The following CACNA2D4 variants were observed in gnomAD, a reference collection of about 807,000 sequenced individuals.
CACNA2D4 encodes calcium voltage-gated channel auxiliary subunit alpha2delta 4.
CACNA2D4 carries 157 observed loss-of-function variants against 163.8 expected under a neutral mutation model. The ratio of observed to expected loss-of-function variants is 0.96; its 90% CI spans 0.84 to 1.09. The LOEUF is 1.09. Among genes scored for constraint, CACNA2D4 ranks in the 50% least tolerant of loss-of-function variants. CACNA2D4 has a pLI of 0.00. For synonymous variants in CACNA2D4, 598 were observed against 586.9 expected, an observed-to-expected ratio of 1.02 and a Z score of -0.27; for missense variants, 1,410 against 1,479.9, an observed-to-expected ratio of 0.95 and a Z score of 0.78.
In CACNA2D4 at chr12:1,797,422, G is replaced by T; in HGVS notation, c.3109C>A (p.Gln1037Lys). ...GGCGCCGCCCTGCGGTCTTACTTCT[G>T]GCAGGGCCCGCACTCCACGATCCCG... Reference protein sequence around the residue: ...ANGIVECGPCQKVFVVQQIPN... With the variant: ...ANGIVECGPCKKVFVVQQIPN... Residue 1037 changes from glutamine (Q) to lysine (K), a missense_variant, in exon 35 of 38, where the codon CAG becomes AAG. Gln to Lys is a moderately conservative substitution (Grantham distance 53). Transcript: ENST00000382722. The T allele has an allele frequency of 6.5e-7, 1 of 1,540,560 alleles. No individual in the cohort carries two copies. Among genetic ancestry groups the T allele is most frequent in the Non-Finnish European group, 8.7e-7 (1 of 1,146,806 alleles).
intron 4 of CACNA2D4, among the ~76,000 whole-genome samples, chr12:1,909,299 C>A (rs567294762): frequency 2.0e-5 from 3 of 152,364 alleles, no homozygotes; most frequent in African/African-American, 7.2e-5. Context: ...TCACGCCATT[C>A]TCCTGCCTCA....
chr12:1,865,095 C>T (rs1460112044), intron 18 of CACNA2D4, among the ~76,000 whole-genome samples: 1 of 152,198 alleles, frequency 6.6e-6, no homozygotes, highest in Non-Finnish European at 1.5e-5. Flanking sequence ...GGCCGGCAGG[C>T]AGGCCCCGTG....
chr12:1,808,561 G>A (rs907269512), intron 29 of CACNA2D4, among the ~76,000 whole-genome samples: 5 of 152,170 alleles, frequency 3.3e-5, no homozygotes, highest in African/African-American at 9.7e-5. Flanking sequence ...TTTAGGAAAC[G>A]CTCGCCTACC....
In CACNA2D4 at chr12:1,834,272, C is replaced by T. The variant is rs781269529; in HGVS notation, c.2551+6467G>A. 70 of 1,567,588 alleles carry T rather than the reference C, an allele frequency of 4.5e-5. No individual in the cohort carries two copies. The highest frequency in any genetic ancestry group is 1.7e-4 in the Middle Eastern group (1 of 5,822). Reference sequence around the variant, plus strand: ...TTTTTCTCTTCTGCATGTAGGGGGACGCTTGGACCAGCTTGCCTGCACCCT... The same window carrying T: ...TTTTTCTCTTCTGCATGTAGGGGGATGCTTGGACCAGCTTGCCTGCACCCT... On this transcript the variant is annotated intron_variant, in intron 26 of 37. Transcript: ENST00000382722. The surrounding 1 kb of genome is among the most constrained non-coding windows in gnomAD (Gnocchi z 7.6).
intron 13 of CACNA2D4, among the ~76,000 whole-genome samples, chr12:1,880,780 G>A (rs1490759472): frequency 1.3e-5 from 2 of 152,208 alleles, no homozygotes; most frequent in African/African-American, 4.8e-5. Flanking sequence ...AGTGAACCAC[G>A]ATGACATCTA....
At position 1,810,328 on chromosome 12, in the gene CACNA2D4, A is replaced by G. The variant is rs2154445807; in HGVS notation, c.2671T>C (p.Phe891Leu). The change falls in exon 29 of 38, where the codon TTC becomes CTC. Residue 891 changes from phenylalanine to leucine, a missense_variant. Transcript: ENST00000382722. ...QSCEDSDLDC[F>L]VIDNNGFILI... ...ATGAACCCGTTGTTGTCGATGACGA[A>G]GCAGTCCAGATCCTGGGAGGAAACC... 6.2e-7 allele frequency: 1 copy of G among 1,613,920 alleles called. No individual in the cohort carries two copies. Among genetic ancestry groups the G allele is most frequent in the Non-Finnish European group, 8.5e-7 (1 of 1,179,840 alleles).
intron 18 of CACNA2D4, among the ~76,000 whole-genome samples, chr12:1,863,575 CT>C (rs1195137181): frequency 1.3e-5 from 2 of 152,136 alleles, no homozygotes; most frequent in Non-Finnish European, 2.9e-5. Context: ...TCTATATTTA[CT>C]TTTTTCTTTG....
rs1565741622 is a variant in CACNA2D4, at chr12:1,909,898, G to A, written c.486+8C>T. ...CCCTCTGGCACCAGTGCCAGGAGTG[G>A]GACTCACCACCAGGGATTCATTGAA... is the stretch of plus-strand genomic sequence containing the variant. On this transcript the variant is annotated splice_region_variant and intron_variant, in intron 4 of 37. Transcript: ENST00000382722. The A allele has an allele frequency of 6.2e-7, 1 of 1,613,148 alleles. No individual in the cohort carries two copies.
intron 26 of CACNA2D4, chr12:1,827,278 G>A (rs71457824): frequency 1.3e-5 from 2 of 152,104 alleles, no homozygotes; most frequent in Non-Finnish European, 2.9e-5. Context: ...GAGACACTGG[G>A]GGGGGCAGAC....
chr12:1,817,523 T>C (rs1053395672), intron 26 of CACNA2D4, among the ~76,000 whole-genome samples: 14 of 152,152 alleles, frequency 9.2e-5, no homozygotes, highest in Admixed American at 6.5e-5. Flanking sequence ...CCGGTCTCCC[T>C]CTGATGCCGA....
At position 1,793,559 on chromosome 12, in the gene CACNA2D4, C is replaced by T; in HGVS notation, c.*96G>A. ...GAGAGGAGCGTTGGCCTGGGGGCGA[C>T]CCAACTGCAGTTAGCTGCATCCCAT... On this transcript the variant is annotated 3_prime_UTR_variant, in exon 38 of 38. Transcript: ENST00000382722. The T allele has an allele frequency of 9.2e-7, 1 of 1,091,494 alleles. No homozygotes were observed. Among genetic ancestry groups the T allele is most frequent in the Non-Finnish European group, 1.4e-6 (1 of 717,466 alleles). The allele number at this position is 1,091,494 out of a possible 1,614,324, so 67.6% of individuals were successfully genotyped here.
chr12:1,806,351 T>A lies in CACNA2D4; in HGVS notation c.2721+3927A>T, dbSNP rs1052002521. ...ACTCTTATAAGAATGAGCCCTGGCCTGGAAGAGAGGCCAAATGTCTAATCA... is the reference window on the plus strand; with the variant it reads ...ACTCTTATAAGAATGAGCCCTGGCCAGGAAGAGAGGCCAAATGTCTAATCA... On this transcript the variant is annotated intron_variant, in intron 29 of 37. Transcript: ENST00000382722. The surrounding 1 kb of genome is among the most constrained non-coding windows in gnomAD (Gnocchi z 4.1). Among the ~76,000 whole-genome samples, 19 of 152,172 alleles carry A rather than the reference T, an allele frequency of 1.2e-4. No individual in the cohort carries two copies. Among genetic ancestry groups the A allele is most frequent in the Admixed American group, 2.6e-4 (4 of 15,276 alleles).
At chr12:1,797,680 AGCCGGGCGGG>A in intron 34 of CACNA2D4, 145 bp from the exon 35 acceptor site, 1 of 667,336 alleles carries the variant, frequency 1.5e-6, no homozygotes, top group Non-Finnish European at 2.7e-6. Flanking sequence ...GCGTGGGAGG[AGCCGGGCGGG>A]GGGTGAGGGG....
intron 6 of CACNA2D4, among the ~76,000 whole-genome samples, chr12:1,902,752 A>T (rs1311453449): frequency 6.6e-6 from 1 of 152,140 alleles, no homozygotes; most frequent in Non-Finnish European, 1.5e-5. Context: ...ATGTTCATGG[A>T]TTGGAAGAAT....
At chr12:1,892,833 A>C (rs1207356993) in intron 6 of CACNA2D4, among the ~76,000 whole-genome samples, 2 of 152,226 alleles carry the variant, frequency 1.3e-5, no homozygotes, top group African/African-American at 2.4e-5. Context: ...AAACAGGAGT[A>C]GCTATACTTA....
rs2154444966 is a variant in CACNA2D4, at chr12:1,795,351, C to T, written c.3257G>A (p.Arg1086His). ...YNASVKCDRM[R>H]SQKLRRRPDS... ...TGGTCGCCGGCGGAGCTTCTGGGAGCGCATCCGGTCACATTTGACAGAGGC... is the reference window on the plus strand; with the variant it reads ...TGGTCGCCGGCGGAGCTTCTGGGAGTGCATCCGGTCACATTTGACAGAGGC... Residue 1086 changes from arginine (R) to histidine (H), a missense_variant, in exon 37 of 38, where the codon CGC (arginine) becomes CAC (histidine). Physicochemically the swap from Arg to His is conservative, Grantham distance 29. Coordinates refer to ENST00000382722, the MANE Select transcript of CACNA2D4 (RefSeq NM_172364.5). The T allele has an allele frequency of 1.2e-6, 2 of 1,612,192 alleles. No homozygotes were observed. Among genetic ancestry groups the T allele is most frequent in the South Asian group, 1.1e-5 (1 of 90,996 alleles).
intron 26 of CACNA2D4, among the ~76,000 whole-genome samples, chr12:1,826,683 G>A (rs142781083): frequency 4.7e-5 from 7 of 148,134 alleles, no homozygotes; most frequent in East Asian, 2.2e-4. Context: ...GCGGCACTCC[G>A]CTCCTCAGCA....
intron 13 of CACNA2D4, 113 bp downstream of exon 13, chr12:1,882,754 C>T: frequency 1.1e-5 from 12 of 1,097,490 alleles, no homozygotes; most frequent in Non-Finnish European, 1.6e-5. Flanking sequence ...CTTAATGTTC[C>T]CTAAGGAGGT....
intron 26 of CACNA2D4, among the ~76,000 whole-genome samples, chr12:1,817,148 G>A (rs779832725): frequency 6.6e-6 from 1 of 152,202 alleles, no homozygotes; most frequent in Non-Finnish European, 1.5e-5. Context: ...CTGAGGACCC[G>A]ACAGGTGCAC....
Sources: gnomAD v4.1 joint callset for allele counts (sites outside exome capture counted in the v4.1 genomes callset) on GRCh38, gnomAD v4.1.1 for gene constraint, Gnocchi (gnomAD v3.1) non-coding constraint, MANE v1.5 for transcripts, NCBI Gene and HGNC (gene_info 2026-07-23, HGNC 2026-07-21) for gene names.